Variants in MICU1 observed in about 807,000 individuals in gnomAD.
MICU1 encodes the protein calcium uptake protein 1, mitochondrial.
A neutral mutation model predicts 56.8 loss-of-function variants in MICU1; 45 were observed. The ratio of observed to expected loss-of-function variants is 0.79; its 90% CI spans 0.62 to 1.02. The LOEUF (loss-of-function observed/expected upper bound fraction) is 1.02. Among genes scored for constraint, MICU1 ranks in the 50% least tolerant of loss-of-function variants. The pLI is 0.00. For missense variants in MICU1, 504 were observed against 587.1 expected (o/e 0.86, Z 1.46); for synonymous variants, 186 against 195.1 (o/e 0.95, Z 0.39).
rs528069193 is a variant in MICU1 at position 72,624,277 on chromosome 10, C to G, written c.-2+1733G>C. 7.2e-5 allele frequency among the ~76,000 whole-genome samples: 11 copies of G among 152,306 alleles called. No homozygotes were observed. In the South Asian group the frequency reaches 2.3e-3, roughly 32 times the overall value. ...TGGTACGATCACAGCTCACTGCAGC[C>G]TCAACCTCGAGGGCTCAAGCCATCC... On this transcript the variant is annotated intron_variant, in intron 1 of 11. Transcript: ENST00000361114.
chr10:72,602,820 C>T (rs770130392), intron 1 of MICU1, among the ~76,000 whole-genome samples: 2 of 152,094 alleles, frequency 1.3e-5, no homozygotes, highest in African/African-American at 4.8e-5. Flanking sequence ...AAGAATGCCA[C>T]TTTGCAGCCA....
At chr10:72,560,313 G>A (rs1840265080) in intron 3 of MICU1, 1 of 152,144 alleles carries the variant, frequency 6.6e-6, no homozygotes, top group South Asian at 2.1e-4. Flanking sequence ...GTCTACAGGA[G>A]GCATGAGGCA....
chr10:72,560,775 C>A (rs1311934682), intron 3 of MICU1, among the ~76,000 whole-genome samples: 1 of 152,064 alleles, frequency 6.6e-6, no homozygotes, highest in Non-Finnish European at 1.5e-5. Flanking sequence ...GAGGCTGAGG[C>A]ATGAGAATCG....
chr10:72,456,422 G>A (rs1865458781), intron 8 of MICU1, among the ~76,000 whole-genome samples: 1 of 152,196 alleles, frequency 6.6e-6, no homozygotes, highest in African/African-American at 2.4e-5. Flanking sequence ...ACAAGACAGT[G>A]TGGATTCCCT....
At chr10:72,474,960 G>T (rs552403693) in intron 8 of MICU1, 140 bp downstream of exon 8, 10 of 675,430 alleles carry the variant, frequency 1.5e-5, no homozygotes, top group Non-Finnish European at 2.1e-5. Context: ...CCTATCTGCT[G>T]TCAGTTTATA....
chr10:72,427,514 A>C (rs538476139), intron 8 of MICU1, among the ~76,000 whole-genome samples: 1 of 152,272 alleles, frequency 6.6e-6, no homozygotes, highest in Non-Finnish European at 1.5e-5. Flanking sequence ...CAACAAATGT[A>C]AACTTCAGCC....
chr10:72,570,227 G>A (rs1746118323), intron 1 of MICU1, among the ~76,000 whole-genome samples: 2 of 152,166 alleles, frequency 1.3e-5, no homozygotes, highest in South Asian at 2.1e-4. Flanking sequence ...TTACAGGTGT[G>A]AGCCACCATG....
chr10:72,499,577 CT>C (rs990266169), intron 6 of MICU1, among the ~76,000 whole-genome samples: 1 of 152,094 alleles, frequency 6.6e-6, no homozygotes, highest in Non-Finnish European at 1.5e-5. Context: ...AGCCTTTTAC[CT>C]TCTTAATCTT....
intron 1 of MICU1, among the ~76,000 whole-genome samples, chr10:72,594,518 C>T (rs1302763301): frequency 6.6e-6 from 1 of 151,752 alleles, no homozygotes; most frequent in Non-Finnish European, 1.5e-5. Flanking sequence ...GATATGATTC[C>T]AAAGGCAAAG....
chr10:72,598,821 G>T (rs990607206), intron 1 of MICU1, among the ~76,000 whole-genome samples: 1 of 152,012 alleles, frequency 6.6e-6, no homozygotes, highest in Admixed American at 6.6e-5. Flanking sequence ...CTATTTCAGA[G>T]CATTCTACCA....
chr10:72,462,242 G>C (rs1331143370), intron 8 of MICU1, among the ~76,000 whole-genome samples: 2 of 149,528 alleles, frequency 1.3e-5, no homozygotes, highest in Non-Finnish European at 3.0e-5. Flanking sequence ...TTTGAGCCAG[G>C]GTCTTACTCT....
rs114395304 is a variant in MICU1, at chr10:72,481,223, C to T, written c.653-3967G>A. ...AAAAACAAGCTTGCTTTAAGTGAAA[C>T]ATGCTACACAGTATATGATGTCAAG... On this transcript the variant is annotated intron_variant, in intron 6 of 11. Transcript: ENST00000361114. Among the ~76,000 whole-genome samples the T allele has an allele frequency of 4.8e-3, 724 of 152,290 alleles. 5 individuals are homozygous for T. Among genetic ancestry groups the T allele is most frequent in the African/African-American group, 0.017 (697 of 41,546 alleles).
chr10:72,515,616 T>C (rs1200990238), intron 5 of MICU1, among the ~76,000 whole-genome samples: 1 of 152,192 alleles, frequency 6.6e-6, no homozygotes, highest in Non-Finnish European at 1.5e-5. Context: ...CTGGTTCCCA[T>C]TATCATCAAT....
At chr10:72,492,777 A>G (rs1488221213) in intron 6 of MICU1, among the ~76,000 whole-genome samples, 1 of 73,870 alleles carries the variant, frequency 1.4e-5, no homozygotes, top group African/African-American at 5.4e-5. Flanking sequence ...TAAATAAAAT[A>G]AAAATAGAAT....
chr10:72,470,027 TG>T (rs1245990424), intron 8 of MICU1, among the ~76,000 whole-genome samples: 1 of 152,194 alleles, frequency 6.6e-6, no homozygotes, highest in Non-Finnish European at 1.5e-5. Flanking sequence ...TCTGAGATAC[TG>T]GGGGTTGGGA....
intron 6 of MICU1, among the ~76,000 whole-genome samples, chr10:72,481,071 G>A (rs1866279718): frequency 6.6e-6 from 1 of 152,206 alleles, no homozygotes; most frequent in Admixed American, 6.5e-5. Context: ...GAGGCAAGCT[G>A]GGCTGCAGCC....
chr10:72,437,949 G>A (rs1465048597), intron 8 of MICU1, among the ~76,000 whole-genome samples: 1 of 151,968 alleles, frequency 6.6e-6, no homozygotes, highest in Non-Finnish European at 1.5e-5. Context: ...AATAATAATG[G>A]GAGACTTTAA....
chr10:72,400,883 A>T (rs560974895), intron 10 of MICU1, among the ~76,000 whole-genome samples: 67 of 151,932 alleles, frequency 4.4e-4, no homozygotes, highest in Non-Finnish European at 8.1e-4. Context: ...ACACACACAC[A>T]CACACACACA....
At chr10:72,394,433 C>T (rs1863179088) in intron 10 of MICU1, among the ~76,000 whole-genome samples, 1 of 151,744 alleles carries the variant, frequency 6.6e-6, no homozygotes, top group Non-Finnish European at 1.5e-5. Flanking sequence ...CATAACCAGC[C>T]TGGCCAATGT....
Sources: gnomAD v4.1 joint callset for allele counts (sites outside exome capture counted in the v4.1 genomes callset) on GRCh38, gnomAD v4.1.1 for gene constraint, MANE v1.5 for transcripts, NCBI Gene and HGNC (gene_info 2026-07-23, HGNC 2026-07-21) for gene names.